Variants in MED27 observed in about 807,000 individuals in gnomAD.
MED27 encodes the protein mediator complex subunit 27.
MED27 carries 30 observed loss-of-function variants against 38.2 expected under a neutral mutation model. The observed-to-expected ratio is 0.79, with a 90% CI of 0.59 to 1.07. The LOEUF (loss-of-function observed/expected upper bound fraction) is 1.07, where lower values mean the gene tolerates loss of function less well. Among genes scored for constraint, MED27 ranks in the 50% least tolerant of loss-of-function variants. MED27 has a pLI of 0.00. For synonymous variants in MED27, 122 were observed against 153.5 expected (o/e 0.79, Z 1.52); for missense variants, 289 against 397.5 (o/e 0.73, Z 2.32).
At chr9:131,921,567 A>G (rs1437262109) in intron 4 of MED27, among the ~76,000 whole-genome samples, 1 of 152,206 alleles carries the variant, frequency 6.6e-6, no homozygotes, top group East Asian at 1.9e-4. Flanking sequence ...ACACTTTTAC[A>G]CTGTTGGTGG....
At chr9:132,055,821 C>T (rs754029855) in intron 2 of MED27, among the ~76,000 whole-genome samples, 6 of 152,186 alleles carry the variant, frequency 3.9e-5, no homozygotes, top group African/African-American at 7.2e-5. Context: ...TGATTAACAA[C>T]GCTAAGAAAA....
At chr9:132,012,408 C>G (rs1037765854) in intron 3 of MED27, among the ~76,000 whole-genome samples, 5 of 152,160 alleles carry the variant, frequency 3.3e-5, no homozygotes, top group Non-Finnish European at 7.3e-5. Flanking sequence ...AAAAATATGG[C>G]CCCTGTGCAT....
intron 2 of MED27, among the ~76,000 whole-genome samples, chr9:132,017,820 A>G (rs961796724): frequency 6.6e-6 from 1 of 152,208 alleles, no homozygotes; most frequent in East Asian, 1.9e-4. Context: ...CTAACCAATT[A>G]TATCTACTAA....
intron 5 of MED27, among the ~76,000 whole-genome samples, 157 bp downstream of exon 5, chr9:131,893,728 T>C (rs1258007408): frequency 6.6e-6 from 1 of 152,158 alleles, no homozygotes; most frequent in African/African-American, 2.4e-5. Context: ...GAATGAAATG[T>C]TTTTTCACAA....
intron 2 of MED27, among the ~76,000 whole-genome samples, chr9:132,070,061 T>C (rs1833902154): frequency 1.3e-5 from 2 of 152,222 alleles, no homozygotes; most frequent in South Asian, 2.1e-4. Flanking sequence ...GCTACTGTTA[T>C]CCACATTGAA....
chr9:132,023,319 T>A (rs1832755803), intron 2 of MED27, among the ~76,000 whole-genome samples: 1 of 152,214 alleles, frequency 6.6e-6, no homozygotes, highest in South Asian at 2.1e-4. Flanking sequence ...AGTCACTCAT[T>A]GCCAAGGTAT....
At chr9:132,037,347 C>T (rs1007255798) in intron 2 of MED27, among the ~76,000 whole-genome samples, 2 of 152,196 alleles carry the variant, frequency 1.3e-5, no homozygotes, top group African/African-American at 4.8e-5. Context: ...AGGATGAAAG[C>T]ATGGACAGTA....
In MED27 at chr9:132,037,442, C is replaced by T. The variant is rs543612204; in HGVS notation, c.349-22975G>A. Among the ~76,000 whole-genome samples, 198 of 152,172 alleles carry T rather than the reference C, an allele frequency of 1.3e-3. 1 individual carries two copies. The highest frequency in any genetic ancestry group is 4.5e-3 in the African/African-American group (185 of 41,512). On this transcript the variant is annotated intron_variant, in intron 2 of 7. Transcript: ENST00000292035. ...ATTCAGCCACAGTGACTGCCCAACG[C>T]GCCTACACAACAGAAGAGTAATCTA...
intron 2 of MED27, among the ~76,000 whole-genome samples, chr9:132,072,643 G>T (rs1343854546): frequency 6.6e-6 from 1 of 152,058 alleles, no homozygotes; most frequent in Non-Finnish European, 1.5e-5. Context: ...CACTACGCTA[G>T]CAAGTTCATT....
chr9:131,915,931 G>A (rs569124010), intron 4 of MED27, among the ~76,000 whole-genome samples: 75 of 152,318 alleles, frequency 4.9e-4, no homozygotes, highest in Middle Eastern at 6.8e-3. Flanking sequence ...TACTTACGAT[G>A]ATGATAAGAA....
Position 131,906,074 on chromosome 9 carries a change from T to C in MED27, c.574-12082A>G, listed in dbSNP as rs184921360. On this transcript the variant is annotated intron_variant, in intron 4 of 7. Transcript: ENST00000292035. ...GCTTAAAGAGAGATTACTCAGGTAA[T>C]ATCTACATGTGAAAAAATGACATTT... is the stretch of plus-strand genomic sequence containing the variant. Among the ~76,000 whole-genome samples the C allele has an allele frequency of 1.8e-4, 27 of 152,330 alleles. No homozygotes were observed. The East Asian group carries it at 3.1e-3, about 17-fold the overall frequency.
At chr9:131,874,374 C>G (rs1216419444) in intron 6 of MED27, among the ~76,000 whole-genome samples, 2 of 152,220 alleles carry the variant, frequency 1.3e-5, no homozygotes, top group South Asian at 2.1e-4. Context: ...CTCCTTGAGG[C>G]CACACCTGCC....
chr9:132,029,321 T>G (rs1832898557), intron 2 of MED27, among the ~76,000 whole-genome samples: 1 of 152,132 alleles, frequency 6.6e-6, no homozygotes, highest in Admixed American at 6.5e-5. Context: ...AAAAAGAAAA[T>G]CCATCAGATT....
At chr9:131,875,990 G>A (rs985484882) in intron 6 of MED27, among the ~76,000 whole-genome samples, 2 of 152,180 alleles carry the variant, frequency 1.3e-5, no homozygotes, top group South Asian at 2.1e-4. Context: ...CTGATGACAC[G>A]GCGAATGGCT....
At chr9:131,887,329 G>A (rs4288426) in intron 5 of MED27, among the ~76,000 whole-genome samples, 129,095 of 152,112 alleles carry the variant, frequency 0.85, 54,901 homozygotes, top group Middle Eastern at 0.88. Context: ...AGGTTTAAAT[G>A]TATTATTCAG....
intron 3 of MED27, among the ~76,000 whole-genome samples, chr9:131,974,081 G>A (rs1831551202): frequency 6.6e-6 from 1 of 152,112 alleles, no homozygotes. Flanking sequence ...TTTCTAAGCT[G>A]CAGTATGTCA....
Position 131,997,850 on chromosome 9 carries a change from G to A in MED27, c.479+16487C>T, listed in dbSNP as rs1298754951. ...TTCAAACTACATGAGTGCTCTATGCGGTGGCTTTCATTATTAACCAGTCCG... is the reference window on the plus strand; with the variant it reads ...TTCAAACTACATGAGTGCTCTATGCAGTGGCTTTCATTATTAACCAGTCCG... On this transcript the variant is annotated intron_variant, in intron 3 of 7. Coordinates refer to ENST00000292035, the MANE Select transcript of MED27 (RefSeq NM_004269.4). This position sits in a 1 kb window ranked among gnomAD's most constrained non-coding sequence, Gnocchi z 4.0. Among the ~76,000 whole-genome samples, 2 of 152,154 alleles carry A rather than the reference G, an allele frequency of 1.3e-5. No homozygotes were observed. The highest frequency in any genetic ancestry group is 2.4e-5 in the African/African-American group (1 of 41,426).
chr9:132,027,771 C>T (rs1832856415), intron 2 of MED27, among the ~76,000 whole-genome samples: 1 of 152,210 alleles, frequency 6.6e-6, no homozygotes, highest in Non-Finnish European at 1.5e-5. Context: ...CAGGGTACTG[C>T]TCCAGACCCT....
At chr9:132,020,345 A>G (rs1428145086) in intron 2 of MED27, among the ~76,000 whole-genome samples, 2 of 152,158 alleles carry the variant, frequency 1.3e-5, no homozygotes, top group Admixed American at 6.5e-5. Flanking sequence ...TCCAATGTAT[A>G]ACAGAACACA....
Sources: allele counts gnomAD v4.1 joint callset (sites outside exome capture counted in the v4.1 genomes callset), GRCh38; gene constraint gnomAD v4.1.1; non-coding constraint Gnocchi (gnomAD v3.1); transcripts MANE v1.5; gene names NCBI Gene and HGNC (gene_info 2026-07-23, HGNC 2026-07-21).